Variants in TPTE observed in about 807,000 individuals in gnomAD.
The protein encoded by TPTE is transmembrane phosphatase with tensin homology, also known as putative tyrosine-protein phosphatase TPTE.
Under a neutral mutation model 84.1 loss-of-function variants are expected in TPTE, and 59 were observed. The observed-to-expected ratio is 0.70, with a 90% CI of 0.57 to 0.87. The LOEUF (loss-of-function observed/expected upper bound fraction) is 0.87. Ranked by LOEUF, TPTE falls within the 40% of genes least tolerant of loss-of-function variation. The pLI, the probability that TPTE is intolerant of heterozygous loss-of-function variation, is 0.00. For synonymous variants in TPTE, 130 were observed against 223.5 expected (o/e 0.58, Z 3.73); for missense variants, 382 against 659.6 (o/e 0.58, Z 4.61).
intron 5 of TPTE, 138 bp from the exon 6 acceptor site, chr21:10,542,252 ACATTC>A: frequency 9.6e-7 from 1 of 1,036,928 alleles, no homozygotes; most frequent in Non-Finnish European, 1.4e-6. Context: ...AGAGGAAAAG[ACATTC>A]CAGGTTCCAG....
intron 6 of TPTE, 115 bp downstream of exon 6, chr21:10,542,563 TCATC>T (rs1242680334): frequency 1.8e-3 from 1,450 of 815,704 alleles, no homozygotes; most frequent in African/African-American, 0.016. Flanking sequence ...ATCCATCCAT[TCATC>T]CATCCATCCA....
chr21:10,558,034 T>C (rs546821989), intron 8 of TPTE, among the ~76,000 whole-genome samples: 151 of 152,376 alleles, frequency 9.9e-4, no homozygotes, highest in African/African-American at 3.6e-3. Context: ...ACTAGTTTGC[T>C]AAGGATAAGA....
At chr21:10,547,874 A>T (rs2074497929) in intron 7 of TPTE, among the ~76,000 whole-genome samples, 1 of 152,306 alleles carries the variant, frequency 6.6e-6, no homozygotes, top group Non-Finnish European at 1.5e-5. Flanking sequence ...TCCAGGGTAA[A>T]TTCACTCTTA....
At position 10,590,492 on chromosome 21, in the gene TPTE, T is replaced by G; in HGVS notation, c.1058T>G (p.Leu353Arg). ...ACAGGAACTATGGTTTGTGCCTTCCTTATTGCCTCTGAAATATGTTCAACT... is the reference window on the plus strand; with the variant it reads ...ACAGGAACTATGGTTTGTGCCTTCCGTATTGCCTCTGAAATATGTTCAACT... ...DRTGTMVCAF[L>R]IASEICSTAK... The change falls in exon 18 of 24, where the codon CTT becomes CGT. Residue 353 changes from leucine (L) to arginine (R), a missense_variant. Transcript: ENST00000618007. 1 of 1,614,142 alleles carries G rather than the reference T, an allele frequency of 6.2e-7. No individual in the cohort carries two copies. The highest frequency in any genetic ancestry group is 1.6e-4 in the Middle Eastern group (1 of 6,062).
intron 10 of TPTE, among the ~76,000 whole-genome samples, chr21:10,566,455 C>T (rs1375288840): frequency 6.6e-6 from 1 of 152,302 alleles, no homozygotes; most frequent in African/African-American, 2.4e-5. Context: ...GGAGGTTACT[C>T]AAAAAACTAA....
chr21:10,541,656 AAAAG>A (rs1345603803), intron 5 of TPTE, among the ~76,000 whole-genome samples: 1 of 152,310 alleles, frequency 6.6e-6, no homozygotes, highest in Non-Finnish European at 1.5e-5. Flanking sequence ...TGTTTAGAAA[AAAAG>A]AAACTGACTA....
intron 17 of TPTE, among the ~76,000 whole-genome samples, chr21:10,589,576 GCGTTT>G (rs1402388016): frequency 2.0e-5 from 3 of 152,426 alleles, no homozygotes; most frequent in Non-Finnish European, 4.4e-5. Context: ...AATGCCGGCA[GCGTTT>G]CCCTGTGTCT....
chr21:10,566,299 C>T (rs1243368266), intron 10 of TPTE, among the ~76,000 whole-genome samples: 2 of 152,310 alleles, frequency 1.3e-5, no homozygotes, highest in East Asian at 3.8e-4. Context: ...TAGAAAACTA[C>T]CATGAGATAT....
chr21:10,602,393 A>T (rs536775828), intron 22 of TPTE, among the ~76,000 whole-genome samples: 18 of 152,380 alleles, frequency 1.2e-4, no homozygotes, highest in African/African-American at 3.8e-4. Flanking sequence ...AATACAAAAA[A>T]TACAAAATAA....
chr21:10,531,756 A>C (rs1412001806), intron 3 of TPTE, among the ~76,000 whole-genome samples: 1 of 152,310 alleles, frequency 6.6e-6, no homozygotes, highest in African/African-American at 2.4e-5. Flanking sequence ...AAATTTTCCC[A>C]CTTTCAGTCT....
rs2074030918 is a variant in TPTE, at chr21:10,523,770, G to A, written c.-210-810G>A. 2.6e-5 allele frequency among the ~76,000 whole-genome samples: 4 copies of A among 152,428 alleles called. No individual in the cohort carries two copies. In the South Asian group the frequency reaches 8.3e-4, roughly 32 times the overall value. On this transcript the variant is annotated intron_variant, in intron 1 of 23. Transcript: ENST00000618007. ...CTGCAGTAAACATACGTGTGCATGTGTCTGTATAGCAGCATGATTTATAGT... is the reference window on the plus strand; with the variant it reads ...CTGCAGTAAACATACGTGTGCATGTATCTGTATAGCAGCATGATTTATAGT...
chr21:10,580,481 A>G (rs1255715461), intron 17 of TPTE, among the ~76,000 whole-genome samples: 1 of 152,430 alleles, frequency 6.6e-6, no homozygotes, highest in African/African-American at 2.4e-5. Flanking sequence ...TAGTTTTCCA[A>G]TTTCATGTTT....
At chr21:10,532,698 A>G (rs1300752341) in intron 3 of TPTE, among the ~76,000 whole-genome samples, 3 of 152,308 alleles carry the variant, frequency 2.0e-5, no homozygotes, top group East Asian at 3.8e-4. Context: ...ATTATCAATC[A>G]GTTCTTAGTA....
intron 4 of TPTE, among the ~76,000 whole-genome samples, chr21:10,540,223 G>A (rs1388886826): frequency 6.6e-6 from 1 of 152,308 alleles, no homozygotes; most frequent in African/African-American, 2.4e-5. Flanking sequence ...AGTTATACAT[G>A]TGTCTATGCA....
chr21:10,601,155 A>T (rs930043912), intron 21 of TPTE, among the ~76,000 whole-genome samples: 1 of 152,306 alleles, frequency 6.6e-6, no homozygotes, highest in Admixed American at 6.5e-5. Flanking sequence ...AATAATATTT[A>T]ATTGATTACA....
intron 12 of TPTE, 41 bp downstream of exon 12, chr21:10,569,577 T>C: frequency 4.3e-6 from 7 of 1,613,482 alleles, no homozygotes; most frequent in Non-Finnish European, 5.9e-6. Flanking sequence ...AAAAATATTT[T>C]GTGTTTTGGG....
At chr21:10,548,836 C>T (rs1366893566) in intron 7 of TPTE, among the ~76,000 whole-genome samples, 1 of 152,312 alleles carries the variant, frequency 6.6e-6, no homozygotes, top group Non-Finnish European at 1.5e-5. Context: ...GCCAGGCAAA[C>T]AGCTGTGTGC....
intron 9 of TPTE, 67 bp downstream of exon 9, chr21:10,559,611 C>A (rs575440989): frequency 2.5e-6 from 4 of 1,610,120 alleles, no homozygotes; most frequent in Admixed American, 3.3e-5. Flanking sequence ...CGGTGGCTCA[C>A]ACCTGTAATC....
chr21:10,596,495 T>G (rs1362074958), intron 20 of TPTE, among the ~76,000 whole-genome samples: 1 of 152,304 alleles, frequency 6.6e-6, no homozygotes, highest in African/African-American at 2.4e-5. Flanking sequence ...TGTCTCCGTA[T>G]CGTATCATTT....
Sources: allele counts gnomAD v4.1 joint callset (sites outside exome capture counted in the v4.1 genomes callset), GRCh38; gene constraint gnomAD v4.1.1; transcripts MANE v1.5; gene names NCBI Gene and HGNC (gene_info 2026-07-23, HGNC 2026-07-21).